The following CCDC171 variants were observed in gnomAD, a reference collection of about 807,000 sequenced individuals.
CCDC171 encodes the protein coiled-coil domain-containing protein 171.
In CCDC171, 177 loss-of-function variants were observed where a neutral mutation model predicts 168.2. The ratio of observed to expected loss-of-function variants is 1.05; its 90% CI spans 0.93 to 1.19. CCDC171 has a LOEUF of 1.19. Ranked by LOEUF, CCDC171 falls within the 50% of genes most tolerant of loss-of-function variation. The pLI is 0.00. For synonymous variants in CCDC171, 687 were observed against 540.8 expected (o/e 1.27, Z -3.75); for missense variants, 1,991 against 1,539.0 (o/e 1.29, Z -4.91).
chr9:16,043,890 C>T (rs77999358), intron 1 of CCDC171, among the ~76,000 whole-genome samples: 264 of 152,294 alleles, frequency 1.7e-3, no homozygotes, highest in Admixed American at 3.1e-3. Flanking sequence ...ATCACAGATA[C>T]GTCCATTTGA....
intron 21 of CCDC171, among the ~76,000 whole-genome samples, chr9:15,805,029 A>G (rs1454079018): frequency 6.9e-6 from 1 of 143,950 alleles, no homozygotes; most frequent in East Asian, 1.9e-4. Flanking sequence ...TAGATTTTCT[A>G]GTTTATGTAC....
At chr9:15,663,349 A>G (rs901709149) in intron 8 of CCDC171, among the ~76,000 whole-genome samples, 2 of 152,138 alleles carry the variant, frequency 1.3e-5, no homozygotes, top group Non-Finnish European at 2.9e-5. Context: ...TTTTTCTTTT[A>G]AACTTTATTT....
chr9:15,971,777 C>T lies in CCDC171; in HGVS notation c.3922C>T (p.His1308Tyr), dbSNP rs1399152058. The T allele has an allele frequency of 6.2e-7, 1 of 1,613,890 alleles. No homozygotes were observed. Among genetic ancestry groups the T allele is most frequent in the Non-Finnish European group, 8.5e-7 (1 of 1,179,922 alleles). Reference protein sequence around the residue: ...NTVPHALTSSHSSPVTMSANA... With the variant: ...NTVPHALTSSYSSPVTMSANA... ...TGTGCCCCATGCTCTGACATCATCT[C>T]ACTCCTCTCCAGTGACTATGTCTGC... The change falls in exon 26 of 26, where the codon CAC (histidine) becomes TAC (tyrosine). Residue 1308 changes from histidine (H) to tyrosine (Y), a missense_variant. Physicochemically the swap from His to Tyr is moderately conservative, Grantham distance 83 (BLOSUM62 2). Transcript: ENST00000380701.
chr9:16,059,262 T>C (rs1232548922), intron 1 of CCDC171, among the ~76,000 whole-genome samples: 3 of 152,242 alleles, frequency 2.0e-5, no homozygotes, highest in Non-Finnish European at 4.4e-5. Context: ...TGTTTTACAC[T>C]TAAAGGACTA....
intron 24 of CCDC171, among the ~76,000 whole-genome samples, chr9:15,919,109 C>T (rs1266734977): frequency 3.3e-5 from 5 of 151,614 alleles, no homozygotes; most frequent in Non-Finnish European, 7.4e-5. Context: ...GAAGGATCCA[C>T]AGAAAACCAG....
intron 21 of CCDC171, among the ~76,000 whole-genome samples, chr9:15,807,641 T>C (rs574531207): frequency 8.7e-5 from 13 of 150,102 alleles, no homozygotes; most frequent in African/African-American, 3.3e-4. Flanking sequence ...AGTTGCTCAA[T>C]TGCCTTACCT....
chr9:16,081,716 T>C, the CCDC171 span, among the ~76,000 whole-genome samples: 1 of 152,238 alleles, frequency 6.6e-6, no homozygotes. Flanking sequence ...ACACAGAACC[T>C]TAAAGAAAAT....
At chr9:15,847,866 C>G (rs1448967839) in intron 22 of CCDC171, among the ~76,000 whole-genome samples, 1 of 151,950 alleles carries the variant, frequency 6.6e-6, no homozygotes, top group Non-Finnish European at 1.5e-5. Flanking sequence ...TGACACAAGG[C>G]CAAAATGTTG....
In CCDC171 at chr9:15,993,176, G is replaced by C. The variant is rs551079377; in HGVS notation, n.369-27413G>C. ...AAAAGAACAAAGCTGGAGGCATCAT[G>C]CTACCTGACTTCAAACTATACTACA... is the stretch of plus-strand genomic sequence containing the variant. On this transcript the variant is annotated intron_variant and non_coding_transcript_variant, in intron 3 of 9. Transcript: ENST00000486641. Among the ~76,000 whole-genome samples, 10 of 151,820 alleles carry C rather than the reference G, an allele frequency of 6.6e-5. No individual in the cohort carries two copies. In the South Asian group the frequency reaches 2.1e-3, roughly 32 times the overall value.
At chr9:16,010,917 G>A (rs532257205) in intron 3 of CCDC171, among the ~76,000 whole-genome samples, 5 of 152,120 alleles carry the variant, frequency 3.3e-5, no homozygotes, top group Non-Finnish European at 4.4e-5. Flanking sequence ...ACCCACATCT[G>A]ACTGTCATGT....
Position 15,858,078 on chromosome 9 carries a change from C to G in CCDC171, c.3468+9131C>G, listed in dbSNP as rs188697805. On this transcript the variant is annotated intron_variant, in intron 23 of 25. Coordinates refer to ENST00000380701, the MANE Select transcript of CCDC171 (RefSeq NM_173550.4). Reference sequence around the variant, plus strand: ...TTTTGCCCAGGCTGGAGTGCAGTGGCATGATCTTGGCTCACTGTAGCCTTC... The same window carrying G: ...TTTTGCCCAGGCTGGAGTGCAGTGGGATGATCTTGGCTCACTGTAGCCTTC... Among the ~76,000 whole-genome samples the G allele has an allele frequency of 7.0e-3, 1,069 of 152,000 alleles. 13 individuals carry two copies. The highest frequency in any genetic ancestry group is 0.025 in the African/African-American group (1,035 of 41,410).
intron 21 of CCDC171, chr9:15,845,578 A>G (rs1481738831): frequency 6.6e-6 from 1 of 152,056 alleles, no homozygotes; most frequent in Non-Finnish European, 1.5e-5. Context: ...ATGCACTAAA[A>G]GAATACTGTT....
chr9:15,960,514 G>C (rs897942955), intron 25 of CCDC171, among the ~76,000 whole-genome samples: 1 of 152,250 alleles, frequency 6.6e-6, no homozygotes, highest in South Asian at 2.1e-4. Flanking sequence ...ATAAAGCCTA[G>C]GGGTATATTA....
intron 1 of CCDC171, among the ~76,000 whole-genome samples, chr9:16,051,338 C>A (rs1383166726): frequency 1.3e-5 from 2 of 152,068 alleles, no homozygotes; most frequent in Non-Finnish European, 2.9e-5. Flanking sequence ...GTTTTCATAG[C>A]AAGCAGTCCC....
intron 21 of CCDC171, among the ~76,000 whole-genome samples, chr9:15,786,932 C>T (rs1169434923): frequency 2.0e-5 from 3 of 152,060 alleles, no homozygotes; most frequent in Non-Finnish European, 4.4e-5. Flanking sequence ...AAAGCTGCCC[C>T]TCTCCTATCT....
intron 6 of CCDC171, among the ~76,000 whole-genome samples, chr9:15,602,307 A>G (rs1290347140): frequency 6.6e-6 from 1 of 151,926 alleles, no homozygotes; most frequent in African/African-American, 2.4e-5. Context: ...TTAGTTTTAC[A>G]TACTATAATT....
chr9:15,643,711 G>C (rs2046816169), intron 7 of CCDC171, among the ~76,000 whole-genome samples: 1 of 152,146 alleles, frequency 6.6e-6, no homozygotes, highest in African/African-American at 2.4e-5. Context: ...TACATTAGCA[G>C]CTACTGCCCT....
chr9:15,608,638 G>A (rs945485714), intron 6 of CCDC171, among the ~76,000 whole-genome samples: 1 of 151,466 alleles, frequency 6.6e-6, no homozygotes, highest in African/African-American at 2.4e-5. Flanking sequence ...TTGGATTTTT[G>A]GGTATATTTT....
At chr9:15,869,942 C>T (rs951611050) in intron 23 of CCDC171, among the ~76,000 whole-genome samples, 1 of 151,718 alleles carries the variant, frequency 6.6e-6, no homozygotes, top group African/African-American at 2.4e-5. Flanking sequence ...TATTATCTTT[C>T]TTCTATATCT....
Sources: allele counts gnomAD v4.1 joint callset (sites outside exome capture counted in the v4.1 genomes callset), GRCh38; gene constraint gnomAD v4.1.1; transcripts MANE v1.5; gene names NCBI Gene and HGNC (gene_info 2026-07-23, HGNC 2026-07-21).